Variants in ERV3-1 observed in about 807,000 individuals in gnomAD.
The protein encoded by ERV3-1 is endogenous retrovirus group 3 member 1, envelope.
A neutral mutation model predicts 24.6 loss-of-function variants in ERV3-1; 36 were observed. The ratio of observed to expected loss-of-function variants is 1.47; its 90% CI spans 1.12 to 1.94. ERV3-1 has a LOEUF of 1.94. Among genes scored for constraint, ERV3-1 ranks in the 30% most tolerant of loss-of-function variants. The pLI is 0.00. For missense variants in ERV3-1, 578 were observed against 330.9 expected, an observed-to-expected ratio of 1.75 and a Z score of -5.79; for synonymous variants, 211 against 122.6, an observed-to-expected ratio of 1.72 and a Z score of -4.76.
Position 65,002,529 on chromosome 7 carries a change from T to C in ERV3-1, c.-389+4012A>G, listed in dbSNP as rs184810542. Among the ~76,000 whole-genome samples, 312 of 152,296 alleles carry C rather than the reference T, an allele frequency of 2.0e-3. 3 individuals carry two copies. Among genetic ancestry groups the C allele is most frequent in the African/African-American group, 6.4e-3 (267 of 41,566 alleles). ...TTTTAGTAGAGATGGGGTTTCGTCA[T>C]GTTGGCCAGGCTGGTCTCGAACTCC... On this transcript the variant is annotated intron_variant, in intron 1 of 1. Transcript: ENST00000394323.
intron 1 of ERV3-1, among the ~76,000 whole-genome samples, chr7:65,005,823 A>T (rs1240741822): frequency 1.3e-5 from 2 of 152,182 alleles, no homozygotes; most frequent in Non-Finnish European, 2.9e-5. Context: ...ACTTGCAAAA[A>T]AATCTAACTC....
At chr7:65,002,590 AG>A (rs1786548303) in intron 1 of ERV3-1, among the ~76,000 whole-genome samples, 1 of 152,210 alleles carries the variant, frequency 6.6e-6, no homozygotes, top group African/African-American at 2.4e-5. Flanking sequence ...GGCCTCCCAA[AG>A]TGCTGGGATT....
At chr7:64,997,354 T>C (rs1258807920) in intron 1 of ERV3-1, among the ~76,000 whole-genome samples, 1 of 152,222 alleles carries the variant, frequency 6.6e-6, no homozygotes, top group Non-Finnish European at 1.5e-5. Context: ...TCCCTGGGCC[T>C]GTCCTACAAA....
At position 64,995,181 on chromosome 7, in the gene ERV3-1, C is replaced by T. The variant is rs559044761; in HGVS notation, c.-388-1767G>A. 3.7e-4 allele frequency among the ~76,000 whole-genome samples: 57 copies of T among 152,276 alleles called. 1 individual carries two copies. In the South Asian group the frequency reaches 8.9e-3, roughly 24 times the overall value. On this transcript the variant is annotated intron_variant, in intron 1 of 1. Transcript: ENST00000394323. ...CTCTCTGATCCATTAAAGTTATAACCGCATGTGGTACCTGGATGGTCAATT... is the reference window on the plus strand; with the variant it reads ...CTCTCTGATCCATTAAAGTTATAACTGCATGTGGTACCTGGATGGTCAATT...
chr7:65,000,114 C>T (rs1786487277), intron 1 of ERV3-1, among the ~76,000 whole-genome samples: 1 of 152,158 alleles, frequency 6.6e-6, no homozygotes, highest in East Asian at 1.9e-4. Flanking sequence ...CACTGCAGCA[C>T]TACTCACAAT....
At chr7:64,993,691 G>GT (rs145745259) in intron 1 of ERV3-1, among the ~76,000 whole-genome samples, 8,248 of 152,242 alleles carry the variant, frequency 0.054, 317 homozygotes, top group Middle Eastern at 0.14. Flanking sequence ...TTGCCGAACA[G>GT]TATTTCATAG....
intron 1 of ERV3-1, among the ~76,000 whole-genome samples, chr7:64,993,724 T>G (rs1786339379): frequency 6.6e-6 from 1 of 152,116 alleles, no homozygotes; most frequent in Admixed American, 6.5e-5. Flanking sequence ...GTTTGTTTGG[T>G]GGGGGTGCAC....
chr7:65,003,135 G>A (rs1406778054), intron 1 of ERV3-1, among the ~76,000 whole-genome samples: 1 of 152,130 alleles, frequency 6.6e-6, no homozygotes, highest in Non-Finnish European at 1.5e-5. Context: ...TGGCTAGAGT[G>A]AGCAGGCTGG....
In ERV3-1 at chr7:64,992,344, T is replaced by C. The variant is rs1263365704; in HGVS notation, c.683A>G (p.Glu228Gly). 9 of 766,290 alleles carry C rather than the reference T, an allele frequency of 1.2e-5. No homozygotes were observed. The East Asian group carries it at 1.9e-4, about 17-fold the overall frequency. 47.5% of individuals were successfully genotyped at this position (766,290 alleles called of 1,614,324 possible). Reference protein sequence around the residue: ...APLGARVSGEEIGPGAYVYLY... With the variant: ...APLGARVSGEGIGPGAYVYLY... Reference sequence around the variant, plus strand: ...ATAGACATAGGCTCCTGGGCCAATTTCTTCACCGCTGACTCGTGCCCCTAG... The same window carrying C: ...ATAGACATAGGCTCCTGGGCCAATTCCTTCACCGCTGACTCGTGCCCCTAG... The change falls in exon 2 of 2, where the codon GAA becomes GGA. Residue 228 changes from glutamate (E) to glycine (G), a missense_variant. By Grantham distance (98) the Glu-to-Gly change is moderately conservative. Transcript: ENST00000394323.
rs148784342 is a variant in ERV3-1, at chr7:64,993,009, C to T, written c.18G>A (p.Met6Ile). MLGMNMLLITLFLLLP... is the reference protein window; with the variant it reads MLGMNILLITLFLLLP... ...GTAGCAAGAACAAAGTGATGAGTAG[C>T]ATGTTCATACCCAGCATGGACAGAA... The change falls in exon 2 of 2, where the codon ATG (methionine) becomes ATA (isoleucine). Residue 6 changes from methionine to isoleucine, a missense_variant. By Grantham distance (10) the Met-to-Ile change is conservative. Transcript: ENST00000394323. 9.6e-4 allele frequency: 731 copies of T among 760,690 alleles called. 3 individuals carry two copies. In the African/African-American group the frequency reaches 0.011, roughly 11 times the overall value. 47.1% of individuals were successfully genotyped at this position (760,690 alleles called of 1,614,324 possible).
rs1786253867 is a variant in ERV3-1 at position 64,991,118 on chromosome 7, T to C, written c.*94A>G. On this transcript the variant is annotated 3_prime_UTR_variant, in exon 2 of 2. Coordinates refer to ENST00000394323, the MANE Select transcript of ERV3-1 (RefSeq NM_001007253.4). ...ATGAGGGGTAAGAGACAAGGGAGTATAAGGCAAACTCCCAATATGGCTAGG... is the reference window on the plus strand; with the variant it reads ...ATGAGGGGTAAGAGACAAGGGAGTACAAGGCAAACTCCCAATATGGCTAGG... 8.2e-6 allele frequency: 5 copies of C among 606,910 alleles called. No homozygotes were observed. In the South Asian group the frequency reaches 1.0e-4, roughly 12 times the overall value. 37.6% of individuals were successfully genotyped at this position (606,910 alleles called of 1,614,324 possible).
chr7:65,006,401 G>A, intron 1 of ERV3-1, 140 bp downstream of exon 1: 1 of 1,371,718 alleles, frequency 7.3e-7, no homozygotes, highest in Admixed American at 1.7e-5. Flanking sequence ...GGGACTGAGG[G>A]CCGAGCTGCG....
Position 64,991,225 on chromosome 7 carries a change from G to A in ERV3-1, c.1802C>T (p.Thr601Ile), listed in dbSNP as rs978437290. 1 of 753,348 alleles carries A rather than the reference G, an allele frequency of 1.3e-6. No homozygotes were observed. The highest frequency in any genetic ancestry group is 2.4e-6 in the Non-Finnish European group (1 of 411,112). The allele number at this position is 753,348 out of a possible 1,614,324, so 46.7% of individuals were successfully genotyped here. Residue 601 changes from threonine (T) to isoleucine (I), a missense_variant, in exon 2 of 2, where the codon ACT becomes ATT. Coordinates refer to ENST00000394323, the MANE Select transcript of ERV3-1 (RefSeq NM_001007253.4). ...GGAATCTGGAGACTATCCTTTCCAAGTCTGAACTGGGATGTGAGCTAACTT... is the reference window on the plus strand; with the variant it reads ...GGAATCTGGAGACTATCCTTTCCAAATCTGAACTGGGATGTGAGCTAACTT... ...IQKLAHIPVQ[T>I]WKG
In ERV3-1 at chr7:64,991,216, C is replaced by A. The variant is rs1461810372; in HGVS notation, c.1811G>T (p.Gly604Val). 1.3e-6 allele frequency: 1 copy of A among 749,542 alleles called. No individual in the cohort carries two copies. Among genetic ancestry groups the A allele is most frequent in the Admixed American group, 1.8e-5 (1 of 56,880 alleles). 46.4% of individuals were successfully genotyped at this position (749,542 alleles called of 1,614,324 possible). A position where few individuals can be genotyped will look rare whatever the true frequency, so the allele number is the denominator to read the frequency against. Reference sequence around the variant, plus strand: ...TCTGAAAAGGGAATCTGGAGACTATCCTTTCCAAGTCTGAACTGGGATGTG... The same window carrying A: ...TCTGAAAAGGGAATCTGGAGACTATACTTTCCAAGTCTGAACTGGGATGTG... ...LAHIPVQTWK[G>V] Residue 604 changes from glycine to valine, a missense_variant, in exon 2 of 2, where the codon GGA becomes GTA. Coordinates refer to ENST00000394323, the MANE Select transcript of ERV3-1 (RefSeq NM_001007253.4).
intron 1 of ERV3-1, among the ~76,000 whole-genome samples, chr7:65,001,247 G>A (rs1314863061): frequency 1.3e-5 from 2 of 152,216 alleles, no homozygotes; most frequent in Non-Finnish European, 2.9e-5. Flanking sequence ...TTGTGCTACA[G>A]ATAGTGGTCC....
intron 1 of ERV3-1, 98 bp downstream of exon 1, chr7:65,006,443 G>A: frequency 2.0e-6 from 3 of 1,516,362 alleles, no homozygotes; most frequent in Non-Finnish European, 2.7e-6. Context: ...GGATTTTGGA[G>A]CCAGCTGCGG....
chr7:64,993,550 T>C (rs1217163346), intron 1 of ERV3-1, 136 bp from the exon 2 acceptor site: 1 of 153,210 alleles, frequency 6.5e-6, no homozygotes, highest in South Asian at 2.1e-4. Flanking sequence ...ATCAGGCTTA[T>C]GGGCATTCTT....
In ERV3-1 at chr7:64,991,739, G is replaced by A. The variant is rs1786271563; in HGVS notation, c.1288C>T (p.Pro430Ser). ...ICGPQAYRQL[P>S]AKWSGACVLG... Reference sequence around the variant, plus strand: ...ACACAGGCCCCTGACCATTTAGCTGGCAGTTGTCGATATGCTTGTGGCCCA... The same window carrying A: ...ACACAGGCCCCTGACCATTTAGCTGACAGTTGTCGATATGCTTGTGGCCCA... The change falls in exon 2 of 2, where the codon CCA (proline) becomes TCA (serine). Residue 430 changes from proline to serine, a missense_variant. Physicochemically the swap from Pro to Ser is moderately conservative, Grantham distance 74. Transcript: ENST00000394323. 3.9e-6 allele frequency: 3 copies of A among 765,678 alleles called. No individual in the cohort carries two copies. The highest frequency in any genetic ancestry group is 7.2e-6 in the Non-Finnish European group (3 of 417,674). The allele number at this position is 765,678 out of a possible 1,614,324, so 47.4% of individuals were successfully genotyped here.
intron 1 of ERV3-1, among the ~76,000 whole-genome samples, chr7:65,002,150 T>G (rs1365613432): frequency 6.6e-6 from 1 of 152,242 alleles, no homozygotes; most frequent in Non-Finnish European, 1.5e-5. Flanking sequence ...AATAAAATTC[T>G]CTATCCTTTG....
Sources: gnomAD v4.1 joint callset for allele counts (sites outside exome capture counted in the v4.1 genomes callset) on GRCh38, gnomAD v4.1.1 for gene constraint, MANE v1.5 for transcripts, NCBI Gene and HGNC (gene_info 2026-07-23, HGNC 2026-07-21) for gene names.